The following ERC2 variants were observed in gnomAD, a reference collection of about 807,000 sequenced individuals.
The protein encoded by ERC2 is ELKS/RAB6-interacting/CAST family member 2.
Under a neutral mutation model 114.8 loss-of-function variants are expected in ERC2, and 42 were observed. The observed-to-expected ratio is 0.37, with a 90% CI of 0.29 to 0.47. The LOEUF is 0.47. Among genes scored for constraint, ERC2 ranks in the 20% least tolerant of loss-of-function variants. The pLI is 0.99. For missense variants in ERC2, 939 were observed against 1,150.7 expected (o/e 0.82, Z 2.66); for synonymous variants, 454 against 425.5 (o/e 1.07, Z -0.82).
chr3:55,724,272 G>A (rs1283648207), intron 15 of ERC2, among the ~76,000 whole-genome samples: 1 of 152,214 alleles, frequency 6.6e-6, no homozygotes, highest in East Asian at 1.9e-4. Flanking sequence ...GGTGGCCTCA[G>A]GTCATGGCGG....
chr3:56,089,022 G>A (rs2077649017), intron 6 of ERC2, among the ~76,000 whole-genome samples: 1 of 152,146 alleles, frequency 6.6e-6, no homozygotes, highest in African/African-American at 2.4e-5. Context: ...AACATGTACT[G>A]AGGCGTTATA....
At chr3:55,687,003 A>T (rs1207550508) in intron 16 of ERC2, among the ~76,000 whole-genome samples, 1 of 152,204 alleles carries the variant, frequency 6.6e-6, no homozygotes, top group Non-Finnish European at 1.5e-5. Flanking sequence ...TTAACTATCA[A>T]ATAACCTCAG....
chr3:55,707,522 C>T (rs1215792907), intron 15 of ERC2, among the ~76,000 whole-genome samples: 1 of 152,198 alleles, frequency 6.6e-6, no homozygotes, highest in African/African-American at 2.4e-5. Flanking sequence ...TAGCCAGAAG[C>T]AGCATCTCCC....
At chr3:56,212,310 T>C (rs1371259355) in intron 3 of ERC2, among the ~76,000 whole-genome samples, 1 of 152,082 alleles carries the variant, frequency 6.6e-6, no homozygotes, top group African/African-American at 2.4e-5. Context: ...ACAGACTATT[T>C]TCAAAAGAAG....
chr3:56,226,848 T>C (rs982259761), intron 3 of ERC2, among the ~76,000 whole-genome samples: 71 of 152,284 alleles, frequency 4.7e-4, no homozygotes, highest in African/African-American at 1.7e-3. Flanking sequence ...CCTCTTATTT[T>C]TTACCCTTCT....
At chr3:55,738,758 A>C (rs915415143) in intron 14 of ERC2, among the ~76,000 whole-genome samples, 3 of 152,130 alleles carry the variant, frequency 2.0e-5, no homozygotes, top group African/African-American at 4.8e-5. Context: ...ACCAAAAAAC[A>C]ATCATTTTTT....
At chr3:56,367,215 G>T (rs2059181781) in intron 2 of ERC2, among the ~76,000 whole-genome samples, 1 of 151,124 alleles carries the variant, frequency 6.6e-6, no homozygotes, top group African/African-American at 2.5e-5. Context: ...TTATTTGAAA[G>T]GGGCTTAGGG....
chr3:56,348,871 GGAA>G (rs1560641847), intron 2 of ERC2, among the ~76,000 whole-genome samples: 1 of 73,760 alleles, frequency 1.4e-5, no homozygotes, highest in Non-Finnish European at 2.8e-5. Context: ...ATGAAAGAAA[GGAA>G]GGAAGGAAGG....
At chr3:55,977,708 T>C (rs1012164087) in intron 12 of ERC2, among the ~76,000 whole-genome samples, 6 of 152,212 alleles carry the variant, frequency 3.9e-5, no homozygotes, top group African/African-American at 1.4e-4. Flanking sequence ...ACCCTAGCAA[T>C]TCCACATTTA....
chr3:56,160,566 C>T (rs1338126578), intron 4 of ERC2, among the ~76,000 whole-genome samples: 2 of 152,142 alleles, frequency 1.3e-5, no homozygotes, highest in Non-Finnish European at 2.9e-5. Context: ...CAATGTCCAG[C>T]ATGGTGTTTC....
intron 2 of ERC2, among the ~76,000 whole-genome samples, chr3:56,347,610 C>A (rs1244224581): frequency 6.6e-6 from 1 of 152,098 alleles, no homozygotes; most frequent in South Asian, 2.1e-4. Context: ...TCCCAGCCTG[C>A]CTCTTACCAG....
intron 14 of ERC2, among the ~76,000 whole-genome samples, chr3:55,748,271 A>C (rs1022223198): frequency 2.6e-5 from 4 of 152,318 alleles, no homozygotes; most frequent in South Asian, 4.1e-4. Flanking sequence ...TAGGGTGGCT[A>C]TTTACTGGCC....
At chr3:55,762,926 A>G (rs939960477) in intron 14 of ERC2, among the ~76,000 whole-genome samples, 3 of 152,258 alleles carry the variant, frequency 2.0e-5, no homozygotes, top group Non-Finnish European at 4.4e-5. Context: ...CAACTTAACA[A>G]CTGTCTACAG....
intron 13 of ERC2, among the ~76,000 whole-genome samples, chr3:55,900,503 A>G (rs1415070250): frequency 6.6e-6 from 1 of 152,184 alleles, no homozygotes; most frequent in East Asian, 1.9e-4. Context: ...ATTCCAAGGA[A>G]GGAGAAGAAA....
intron 2 of ERC2, among the ~76,000 whole-genome samples, chr3:56,433,182 A>G (rs2061866514): frequency 3.5e-5 from 1 of 28,488 alleles, no homozygotes; most frequent in South Asian, 2.3e-3. Flanking sequence ...GTCTCTTAAA[A>G]AAAAAAAAAA....
chr3:55,841,616 T>C lies in ERC2; in HGVS notation c.2564+46773A>G, dbSNP rs142285909. 8.5e-3 allele frequency among the ~76,000 whole-genome samples: 1,293 copies of C among 151,942 alleles called. 23 individuals are homozygous for C. Among genetic ancestry groups the C allele is most frequent in the African/African-American group, 0.03 (1,235 of 41,192 alleles). On this transcript the variant is annotated intron_variant, in intron 14 of 17. Transcript: ENST00000288221. ...GCTATGTTCTAGGTGCCATACTAAA[T>C]GCTTTTCATATCATCTAATTCTTTC... is the stretch of plus-strand genomic sequence containing the variant.
intron 12 of ERC2, among the ~76,000 whole-genome samples, chr3:55,952,179 A>ACACTCTCTCT (rs1390539850): frequency 3.2e-5 from 2 of 62,110 alleles, no homozygotes; most frequent in African/African-American, 1.1e-4. Flanking sequence ...ACACACACAC[A>ACACTCTCTCT]CTCTCTCTCT....
chr3:55,854,183 G>A lies in ERC2; in HGVS notation c.2564+34206C>T, dbSNP rs190740466. On this transcript the variant is annotated intron_variant, in intron 14 of 17. Coordinates refer to ENST00000288221, the MANE Select transcript of ERC2 (RefSeq NM_015576.3). Reference sequence around the variant, plus strand: ...CCAGCTACTTGGGAAGCTGAGGCACGAGAATCGCTTGAATCCGGGAGGCGG... The same window carrying A: ...CCAGCTACTTGGGAAGCTGAGGCACAAGAATCGCTTGAATCCGGGAGGCGG... Among the ~76,000 whole-genome samples, 150 of 152,292 alleles carry A rather than the reference G, an allele frequency of 9.8e-4. No homozygotes were observed. The East Asian group carries it at 0.028, about 29-fold the overall frequency.
At chr3:55,966,052 C>T (rs1399695537) in intron 12 of ERC2, among the ~76,000 whole-genome samples, 2 of 152,176 alleles carry the variant, frequency 1.3e-5, no homozygotes, top group African/African-American at 2.4e-5. Flanking sequence ...TTTTTCCTAA[C>T]CCAGTGGTTT....
Sources: allele counts gnomAD v4.1 joint callset (sites outside exome capture counted in the v4.1 genomes callset), GRCh38; gene constraint gnomAD v4.1.1; transcripts MANE v1.5; gene names NCBI Gene and HGNC (gene_info 2026-07-23, HGNC 2026-07-21).